The following RBM22 variants were observed in gnomAD, a reference collection of about 807,000 sequenced individuals.
RBM22 encodes pre-mRNA-splicing factor RBM22.
RBM22 carries 1 observed loss-of-function variant against 50.1 expected under a neutral mutation model. The observed-to-expected ratio is 0.02, with a 90% CI of 0.01 to 0.09. The LOEUF is 0.09. RBM22 is among the 10% of genes least tolerant of loss of function. The probability of loss-of-function intolerance (pLI) is 1.00; values close to 1 mark genes in which losing one functional copy is unlikely to be tolerated. For synonymous variants in RBM22, 152 were observed against 179.0 expected (o/e 0.85, Z 1.20); for missense variants, 264 against 529.3 (o/e 0.50, Z 4.92).
chr5:150,700,625 T>C, intron 1 of RBM22, 128 bp from the exon 2 acceptor site: 1 of 1,546,414 alleles, frequency 6.5e-7, no homozygotes. Context: ...CCGAAGTCCA[T>C]CACGACCCGA....
intron 7 of RBM22, 108 bp downstream of exon 7, chr5:150,695,398 T>A (rs2151456655): frequency 1.0e-6 from 1 of 986,078 alleles, no homozygotes; most frequent in East Asian, 2.4e-5. Flanking sequence ...ATAGAGAGAC[T>A]ACAGAAAAAT....
Position 150,700,992 on chromosome 5 carries a change from A to G in RBM22, c.-7T>C, listed in dbSNP as rs1759342756. ...AACCCAGAGAGGTCGCCATCTTGAG[A>G]GCGTCCGGAGGTAGCTGTAGCTTCC... On this transcript the variant is annotated 5_prime_UTR_variant, in exon 1 of 11. Transcript: ENST00000199814. The G allele has an allele frequency of 6.2e-7, 1 of 1,614,154 alleles. No individual in the cohort carries two copies. The highest frequency in any genetic ancestry group is 8.5e-7 in the Non-Finnish European group (1 of 1,180,014).
chr5:150,696,833 T>G lies in RBM22; in HGVS notation c.330A>C (p.Ser110=), dbSNP rs1759282065. ...GLSFKDDMPK[S]DVNKEYYTQN... ...GTGTATAGTACTCTTTGTTGACATC[T>G]GACTTTGGCATGTCATCTTTAAAAG... The change falls in exon 5 of 11, where the codon TCA becomes TCC. Residue 110 remains serine, a synonymous_variant. Coordinates refer to ENST00000199814, the MANE Select transcript of RBM22 (RefSeq NM_018047.3). This position sits in a 1 kb window ranked among gnomAD's most constrained non-coding sequence, Gnocchi z 4.3. 4 of 1,614,250 alleles carry G rather than the reference T, an allele frequency of 2.5e-6. No homozygotes were observed. Among genetic ancestry groups the G allele is most frequent in the Non-Finnish European group, 3.4e-6 (4 of 1,180,046 alleles).
At chr5:150,697,517 A>G (rs563979342) in intron 4 of RBM22, among the ~76,000 whole-genome samples, 2 of 152,364 alleles carry the variant, frequency 1.3e-5, no homozygotes, top group East Asian at 3.9e-4. Flanking sequence ...AGTTTTTATT[A>G]CAACATGATT....
Position 150,696,422 on chromosome 5 carries a change from T to C in RBM22, c.545+111A>G. On this transcript the variant is annotated intron_variant, in intron 6 of 10. Coordinates refer to ENST00000199814, the MANE Select transcript of RBM22 (RefSeq NM_018047.3). The surrounding 1 kb of genome is among the most constrained non-coding windows in gnomAD (Gnocchi z 4.3). ...TTCTAAGACATGAGGTATACCACAT[T>C]AGTTGTATGACCTTTAGATTTTAAA... 8.6e-7 allele frequency: 1 copy of C among 1,167,330 alleles called. No homozygotes were observed. The highest frequency in any genetic ancestry group is 1.2e-6 in the Non-Finnish European group (1 of 822,492). The allele number at this position is 1,167,330 out of a possible 1,614,324, so 72.3% of individuals were successfully genotyped here.
At chr5:150,694,565 G>A (rs769610729) in intron 7 of RBM22, 3 of 220,772 alleles carry the variant, frequency 1.4e-5, no homozygotes, top group Non-Finnish European at 2.6e-5. Flanking sequence ...CAAGGCCCAT[G>A]AGCCAAGAAA....
chr5:150,691,858 G>T lies in RBM22; in HGVS notation c.1156C>A (p.Pro386Thr), dbSNP rs1433026848. The T allele has an allele frequency of 6.3e-6, 10 of 1,597,286 alleles. No homozygotes were observed. The highest frequency in any genetic ancestry group is 2.7e-5 in the African/African-American group (2 of 74,558). ...PPGFGPHMFHPMGPPPPFMRA... is the reference protein window; with the variant it reads ...PPGFGPHMFHTMGPPPPFMRA... The stretch of plus-strand genomic sequence containing the variant: ...ATGAAAGGAGGGGGTGGTCCCATTG[G>T]GTGGAACATGTGTGGCCCAAAACCT... Residue 386 changes from proline to threonine, a missense_variant, in exon 11 of 11, where the codon CCA (proline) becomes ACA (threonine). This residue lies in a region of RBM22 where 106 missense variants were observed against 137.1 expected (regional missense o/e 0.77). Transcript: ENST00000199814.
At chr5:150,697,706 T>C (rs994350867) in intron 4 of RBM22, 7 of 342,752 alleles carry the variant, frequency 2.0e-5, no homozygotes, top group Middle Eastern at 7.6e-4. Flanking sequence ...CTAATGAACT[T>C]AACATACATA....
rs1001891487 is a variant in RBM22 at position 150,691,556 on chromosome 5, T to C, written c.*195A>G. The stretch of plus-strand genomic sequence containing the variant: ...TTACAGCAGTAACCAGATGTGTTAA[T>C]GGCAGCTTATTTACGGTCCATCGAT... On this transcript the variant is annotated 3_prime_UTR_variant, in exon 11 of 11. Transcript: ENST00000199814. 1 of 579,946 alleles carries C rather than the reference T, an allele frequency of 1.7e-6. No homozygotes were observed. Among genetic ancestry groups the C allele is most frequent in the South Asian group, 5.4e-5 (1 of 18,580 alleles). 35.9% of individuals were successfully genotyped at this position (579,946 alleles called of 1,614,324 possible).
In RBM22 at chr5:150,691,103, T is replaced by C. The variant is rs989615030; in HGVS notation, c.*648A>G. 3 of 152,364 alleles carry C rather than the reference T, an allele frequency of 2.0e-5. No individual in the cohort carries two copies. The highest frequency in any genetic ancestry group is 4.8e-5 in the African/African-American group (2 of 41,444). The allele number at this position is 152,364 out of a possible 1,614,324, so 9.4% of individuals were successfully genotyped here. ...GGTACACAGCTCCATGAAATTTGTG[T>C]TTCCATCCAGTTGACAGGAATAAAA... On this transcript the variant is annotated 3_prime_UTR_variant, in exon 11 of 11. Coordinates refer to ENST00000199814, the MANE Select transcript of RBM22 (RefSeq NM_018047.3).
chr5:150,697,009 T>G (rs1561678941), intron 4 of RBM22, 118 bp from the exon 5 acceptor site: 1 of 923,204 alleles, frequency 1.1e-6, no homozygotes, highest in Non-Finnish European at 1.7e-6. Flanking sequence ...TACCAGAGAC[T>G]TTACTATGTT....
chr5:150,700,570 C>A (rs6579802), intron 1 of RBM22, 73 bp from the exon 2 acceptor site: 8 of 1,606,780 alleles, frequency 5.0e-6, no homozygotes, highest in Non-Finnish European at 6.8e-6. Context: ...CTTGGGGTGG[C>A]GAGGGGGCGG....
Position 150,695,557 on chromosome 5 carries a change from G to T in RBM22, c.695C>A (p.Thr232Asn). ...RLDPPEDKTITTLYVGGLGDT... is the reference protein window; with the variant it reads ...RLDPPEDKTINTLYVGGLGDT... ...ACCTAGACCACCAACATATAGTGTGGTGATAGTTTTATCCTCTGGTGGGTC... is the reference window on the plus strand; with the variant it reads ...ACCTAGACCACCAACATATAGTGTGTTGATAGTTTTATCCTCTGGTGGGTC... The change falls in exon 7 of 11, where the codon ACC (threonine) becomes AAC (asparagine). Residue 232 changes from threonine to asparagine, a missense_variant. Thr to Asn is a moderately conservative substitution (Grantham distance 65, BLOSUM62 0). Around this residue, in one of 7 missense-constraint regions of RBM22, gnomAD observed 62 missense variants for 102.6 expected, o/e 0.60. Coordinates refer to ENST00000199814, the MANE Select transcript of RBM22 (RefSeq NM_018047.3). 1 of 1,614,028 alleles carries T rather than the reference G, an allele frequency of 6.2e-7. No homozygotes were observed. Among genetic ancestry groups the T allele is most frequent in the Non-Finnish European group, 8.5e-7 (1 of 1,180,006 alleles).
rs1012037824 is a variant in RBM22, at chr5:150,696,966, C to A, written c.272-75G>T. On this transcript the variant is annotated intron_variant, in intron 4 of 10. Coordinates refer to ENST00000199814, the MANE Select transcript of RBM22 (RefSeq NM_018047.3). The surrounding 1 kb of genome is among the most constrained non-coding windows in gnomAD (Gnocchi z 4.3). ...CCATACTAACCATGCACACAGAATA[C>A]ATCATCTTTCCCTTCTCCTCTTTCC... 5 of 1,349,490 alleles carry A rather than the reference C, an allele frequency of 3.7e-6. No individual in the cohort carries two copies. Among genetic ancestry groups the A allele is most frequent in the Non-Finnish European group, 5.3e-6 (5 of 951,068 alleles). The allele number at this position is 1,349,490 out of a possible 1,614,324, so 83.6% of individuals were successfully genotyped here. A position where few individuals can be genotyped will look rare whatever the true frequency, so the allele number is the denominator to read the frequency against.
chr5:150,691,494 G>A lies in RBM22; in HGVS notation c.*257C>T, dbSNP rs369557607. On this transcript the variant is annotated 3_prime_UTR_variant, in exon 11 of 11. Transcript: ENST00000199814. ...TCACTCATCTGCGTGTCCCCCACAC[G>A]GGTAAGGGGAACAGGCGTTCGGTTT... The A allele has an allele frequency of 3.4e-6, 1 of 293,312 alleles. No homozygotes were observed. The highest frequency in any genetic ancestry group is 1.5e-4 in the South Asian group (1 of 6,664). 18.2% of individuals were successfully genotyped at this position (293,312 alleles called of 1,614,324 possible).
At position 150,692,816 on chromosome 5, in the gene RBM22, T is replaced by C. The variant is rs1465444049; in HGVS notation, c.1132+79A>G. 13 of 1,393,528 alleles carry C rather than the reference T, an allele frequency of 9.3e-6. No individual in the cohort carries two copies. In the African/African-American group the frequency reaches 1.6e-4, roughly 17 times the overall value. The allele number at this position is 1,393,528 out of a possible 1,614,324, so 86.3% of individuals were successfully genotyped here. ...AGAGCAAACTCACAGGATTTGGATG[T>C]GTTGAACATGATGGTGAGGTTTATG... On this transcript the variant is annotated intron_variant, in intron 10 of 10. Transcript: ENST00000199814.
chr5:150,695,972 A>G (rs2151456835), intron 6 of RBM22, among the ~76,000 whole-genome samples: 1 of 148,004 alleles, frequency 6.8e-6, no homozygotes, highest in South Asian at 2.2e-4. Context: ...TACTCTTGAC[A>G]TGATCCACCC....
intron 3 of RBM22, among the ~76,000 whole-genome samples, chr5:150,698,919 G>C (rs1003437413): frequency 6.6e-6 from 1 of 152,138 alleles, no homozygotes. Flanking sequence ...AGTGGGGAGT[G>C]TCATGTAATT....
rs1414420253 is a variant in RBM22, at chr5:150,698,123, A to T, written c.271+376T>A. On this transcript the variant is annotated intron_variant, in intron 4 of 10. Coordinates refer to ENST00000199814, the MANE Select transcript of RBM22 (RefSeq NM_018047.3). ...GGTGTCAGAGTGAGACCCTAACTCA[A>T]AAAATAAAATAAAATAAAGCACAAT... Among the ~76,000 whole-genome samples, 4 of 152,196 alleles carry T rather than the reference A, an allele frequency of 2.6e-5. No homozygotes were observed. In the East Asian group the frequency reaches 7.7e-4, roughly 29 times the overall value.
Sources: gnomAD v4.1 joint callset for allele counts (sites outside exome capture counted in the v4.1 genomes callset) on GRCh38, gnomAD v4.1.1 for gene constraint, gnomAD v4.1.1 regional missense constraint, Gnocchi (gnomAD v3.1) non-coding constraint, MANE v1.5 for transcripts, NCBI Gene and HGNC (gene_info 2026-07-23, HGNC 2026-07-21) for gene names.